Variants in HHIP observed in about 807,000 individuals in gnomAD.
HHIP encodes the protein hedgehog-interacting protein.
In HHIP, 12 loss-of-function variants were observed where a neutral mutation model predicts 74.0. The ratio of observed to expected loss-of-function variants is 0.16; its 90% CI spans 0.10 to 0.26. The LOEUF (loss-of-function observed/expected upper bound fraction) is 0.26, where lower values mean the gene tolerates loss of function less well. Among genes scored for constraint, HHIP ranks in the 10% least tolerant of loss-of-function variants. The pLI is 1.00. For synonymous variants in HHIP, 309 were observed against 311.6 expected, an observed-to-expected ratio of 0.99 and a Z score of 0.09; for missense variants, 788 against 845.0, an observed-to-expected ratio of 0.93 and a Z score of 0.84.
rs1470895048 is a variant in HHIP, at chr4:144,708,237, A to G, written c.1227A>G (p.Pro409=). Residue 409 remains proline, a synonymous_variant, in exon 7 of 13, where the codon CCA becomes CCG. Coordinates refer to ENST00000296575, the MANE Select transcript of HHIP (RefSeq NM_022475.3). ...TGTGCAACGTGCCTTATTCCATACC[A>G]AGGAGCAACCCACACTTCAACAGCA... ...TDMCNVPYSI[P]RSNPHFNSTN... is the part of the protein sequence containing the mutation. The G allele has an allele frequency of 3.1e-6, 5 of 1,614,012 alleles. No homozygotes were observed. The highest frequency in any genetic ancestry group is 4.2e-6 in the Non-Finnish European group (5 of 1,179,996).
intron 1 of HHIP, among the ~76,000 whole-genome samples, chr4:144,647,730 G>A (rs1728306512): frequency 6.6e-6 from 1 of 152,128 alleles, no homozygotes; most frequent in Admixed American, 6.5e-5. Context: ...GTAAAGGCAC[G>A]CTTGTTTTTG....
chr4:144,703,263 A>G (rs1320259865), intron 4 of HHIP, among the ~76,000 whole-genome samples: 1 of 151,724 alleles, frequency 6.6e-6, no homozygotes, highest in Non-Finnish European at 1.5e-5. Context: ...TTTGAAAGGC[A>G]AGACTGCCTG....
In HHIP at chr4:144,690,209, C is replaced by T. The variant is rs567034939; in HGVS notation, c.832-16322C>T. Among the ~76,000 whole-genome samples, 17 of 152,332 alleles carry T rather than the reference C, an allele frequency of 1.1e-4. No homozygotes were observed. The South Asian group carries it at 3.5e-3, about 32-fold the overall frequency. On this transcript the variant is annotated intron_variant, in intron 4 of 12. Transcript: ENST00000296575. ...GGTCTTAGAGTCTACTATTAACCCA[C>T]ACACTGAATATTTGAATACCTAGAG...
chr4:144,671,113 C>G (rs1260080023), intron 4 of HHIP, among the ~76,000 whole-genome samples: 1 of 152,112 alleles, frequency 6.6e-6, no homozygotes, highest in Non-Finnish European at 1.5e-5. Flanking sequence ...TTTAAAGCTT[C>G]TGTTTAAATC....
At chr4:144,699,954 A>G (rs1729931736) in intron 4 of HHIP, among the ~76,000 whole-genome samples, 1 of 152,194 alleles carries the variant, frequency 6.6e-6, no homozygotes, top group African/African-American at 2.4e-5. Context: ...ACACAGCAAA[A>G]TAACACAGTT....
At chr4:144,682,897 A>T (rs1729385523) in intron 4 of HHIP, among the ~76,000 whole-genome samples, 1 of 152,252 alleles carries the variant, frequency 6.6e-6, no homozygotes, top group South Asian at 2.1e-4. Context: ...TTTTTAGTTT[A>T]ATGAGAGCAA....
At chr4:144,704,703 C>T (rs1469597122) in intron 4 of HHIP, among the ~76,000 whole-genome samples, 1 of 152,182 alleles carries the variant, frequency 6.6e-6, no homozygotes, top group Non-Finnish European at 1.5e-5. Flanking sequence ...GCATGCAGTA[C>T]TTAACCTGCA....
chr4:144,651,926 C>A (rs1280674302), intron 1 of HHIP, among the ~76,000 whole-genome samples: 1 of 151,992 alleles, frequency 6.6e-6, no homozygotes, highest in Non-Finnish European at 1.5e-5. Flanking sequence ...TTTATTCATG[C>A]ATATAACATA....
At chr4:144,725,513 C>T (rs535120105) in intron 11 of HHIP, among the ~76,000 whole-genome samples, 20 of 152,106 alleles carry the variant, frequency 1.3e-4, no homozygotes, top group Admixed American at 4.6e-4. Context: ...AATTAAAACA[C>T]TGGTAGATCT....
intron 11 of HHIP, among the ~76,000 whole-genome samples, chr4:144,722,628 G>A (rs1428648395): frequency 6.6e-6 from 1 of 152,206 alleles, no homozygotes; most frequent in South Asian, 2.1e-4. Flanking sequence ...CGAGATGGGA[G>A]GATCACTTGA....
At chr4:144,730,011 T>G (rs1239451225) in intron 11 of HHIP, among the ~76,000 whole-genome samples, 1 of 152,186 alleles carries the variant, frequency 6.6e-6, no homozygotes, top group Non-Finnish European at 1.5e-5. Context: ...TCAAAGGACT[T>G]CTCATGTACT....
intron 4 of HHIP, among the ~76,000 whole-genome samples, chr4:144,682,489 T>C (rs1316144453): frequency 6.6e-6 from 1 of 152,204 alleles, no homozygotes; most frequent in East Asian, 1.9e-4. Context: ...ATGGGAAATC[T>C]CTATCTCTGT....
chr4:144,685,439 ATAAAG>A (rs1729460562), intron 4 of HHIP, among the ~76,000 whole-genome samples: 1 of 152,256 alleles, frequency 6.6e-6, no homozygotes, highest in African/African-American at 2.4e-5. Flanking sequence ...GTTGTACATC[ATAAAG>A]TAGACATTAA....
intron 4 of HHIP, among the ~76,000 whole-genome samples, chr4:144,666,190 C>T (rs1434965214): frequency 6.6e-6 from 1 of 151,746 alleles, no homozygotes; most frequent in Non-Finnish European, 1.5e-5. Flanking sequence ...CTCTAAATGG[C>T]AGAGAATTCC....
At chr4:144,727,737 G>A (rs2126682065) in intron 11 of HHIP, among the ~76,000 whole-genome samples, 1 of 152,206 alleles carries the variant, frequency 6.6e-6, no homozygotes, top group Middle Eastern at 3.4e-3. Context: ...TATGCATTGA[G>A]TTAAGTTGAT....
At position 144,652,665 on chromosome 4, in the gene HHIP, C is replaced by G. The variant is rs1425447426; in HGVS notation, c.340C>G (p.Leu114Val). The change falls in exon 2 of 13, where the codon CTT (leucine) becomes GTT (valine). Residue 114 changes from leucine to valine, a missense_variant. Transcript: ENST00000296575. ...GKLLEEIKCA[L>V]CSPHSQSLFH... ...GTTACTGGAGGAAATCAAATGTGCACTTTGCTCTCCACATTCTCAAAGCCT... is the reference window on the plus strand; with the variant it reads ...GTTACTGGAGGAAATCAAATGTGCAGTTTGCTCTCCACATTCTCAAAGCCT... 1 of 1,610,318 alleles carries G rather than the reference C, an allele frequency of 6.2e-7. No individual in the cohort carries two copies.
intron 4 of HHIP, among the ~76,000 whole-genome samples, chr4:144,675,654 G>A (rs923100702): frequency 6.6e-6 from 1 of 151,798 alleles, no homozygotes; most frequent in Admixed American, 6.6e-5. Context: ...TGTACTATTT[G>A]ATTAAAAAAC....
intron 4 of HHIP, among the ~76,000 whole-genome samples, chr4:144,705,500 T>A (rs545741301): frequency 6.6e-6 from 1 of 152,352 alleles, no homozygotes; most frequent in East Asian, 1.9e-4. Context: ...GTTCAATTTC[T>A]ATGCCATGTT....
At position 144,743,849 on chromosome 4, in the gene HHIP, CTAAT is replaced by C. The variant is rs1162306585; in HGVS notation, c.*5894_*5897del. The C allele has an allele frequency of 6.6e-6, 1 of 152,030 alleles. No homozygotes were observed. Among genetic ancestry groups the C allele is most frequent in the Non-Finnish European group, 1.5e-5 (1 of 67,948 alleles). The allele number at this position is 152,030 out of a possible 1,614,324, so 9.4% of individuals were successfully genotyped here. On this transcript the variant is annotated 3_prime_UTR_variant, in exon 13 of 13. Transcript: ENST00000296575. Reference sequence around the variant, plus strand: ...ATTTTCCTTTTCACTAAAAAAATAACTAATTGATAGTTTCCATTCACATGAACAA... The same window carrying C: ...ATTTTCCTTTTCACTAAAAAAATAACTGATAGTTTCCATTCACATGAACAA...
Sources: gnomAD v4.1 joint callset for allele counts (sites outside exome capture counted in the v4.1 genomes callset) on GRCh38, gnomAD v4.1.1 for gene constraint, MANE v1.5 for transcripts, NCBI Gene and HGNC (gene_info 2026-07-23, HGNC 2026-07-21) for gene names.